The following WASF3 variants were observed in gnomAD, a reference collection of about 807,000 sequenced individuals.
WASF3 encodes WASP family member 3.
WASF3 carries 11 observed loss-of-function variants against 46.6 expected under a neutral mutation model. The ratio of observed to expected loss-of-function variants is 0.24; its 90% CI spans 0.15 to 0.39. WASF3 has a LOEUF of 0.39. Among genes scored for constraint, WASF3 ranks in the 10% least tolerant of loss-of-function variants. WASF3 has a pLI of 1.00. For synonymous variants in WASF3, 242 were observed against 259.7 expected (o/e 0.93, Z 0.65); for missense variants, 576 against 669.8 (o/e 0.86, Z 1.55).
At chr13:26,658,685 A>G (rs1882536557) in intron 3 of WASF3, among the ~76,000 whole-genome samples, 1 of 152,236 alleles carries the variant, frequency 6.6e-6, no homozygotes, top group Non-Finnish European at 1.5e-5. Flanking sequence ...GTTGTTGAGC[A>G]CTGGCTGAGC....
chr13:26,556,511 T>A (rs1014354561), upstream of WASF3, among the ~76,000 whole-genome samples: 4 of 152,256 alleles, frequency 2.6e-5, no homozygotes, highest in Admixed American at 6.5e-5. Context: ...AGCAATTTTT[T>A]AAAATGATGG....
At chr13:26,673,771 T>C (rs1220224452) in intron 6 of WASF3, among the ~76,000 whole-genome samples, 3 of 152,246 alleles carry the variant, frequency 2.0e-5, no homozygotes, top group Non-Finnish European at 4.4e-5. Flanking sequence ...TATGAAGTTT[T>C]AAATATGTAG....
At chr13:26,543,844 G>A in the WASF3 span, among the ~76,000 whole-genome samples, 2 of 152,130 alleles carry the variant, frequency 1.3e-5, no homozygotes, top group South Asian at 4.1e-4. Flanking sequence ...ACTGCTTTTA[G>A]CAAGGCTTCA....
At chr13:26,618,182 T>C (rs1881193738) in intron 2 of WASF3, among the ~76,000 whole-genome samples, 2 of 152,190 alleles carry the variant, frequency 1.3e-5, no homozygotes, top group Admixed American at 1.3e-4. Context: ...GTGCCTCCTT[T>C]TTGTTAAAAA....
Position 26,688,313 on chromosome 13 carries a change from C to T in WASF3, c.*2468C>T, listed in dbSNP as rs1232133866. 1 of 152,180 alleles carries T rather than the reference C, an allele frequency of 6.6e-6. No individual in the cohort carries two copies. The highest frequency in any genetic ancestry group is 1.5e-5 in the Non-Finnish European group (1 of 68,032). The allele number at this position is 152,180 out of a possible 1,614,324, so 9.4% of individuals were successfully genotyped here. A position where few individuals can be genotyped will look rare whatever the true frequency, so the allele number is the denominator to read the frequency against. ...AATGGAGAAGAAACATCCAAAAGCA[C>T]ATTTCATTTCTCCAAACTTTGTGTT... is the stretch of plus-strand genomic sequence containing the variant. On this transcript the variant is annotated 3_prime_UTR_variant, in exon 10 of 10. Transcript: ENST00000335327.
At chr13:26,634,244 G>A (rs529398398) in intron 2 of WASF3, among the ~76,000 whole-genome samples, 145 of 152,218 alleles carry the variant, frequency 9.5e-4, no homozygotes, top group Middle Eastern at 3.4e-3. Flanking sequence ...TTATGTAATG[G>A]CCTTCTTTGT....
intron 3 of WASF3, among the ~76,000 whole-genome samples, chr13:26,644,457 T>C (rs1285838541): frequency 6.6e-6 from 1 of 152,216 alleles, no homozygotes; most frequent in African/African-American, 2.4e-5. Flanking sequence ...TAGTGGATAG[T>C]CAGTTCTGAG....
chr13:26,557,564 G>A (rs534607427), upstream of WASF3: 179 of 155,890 alleles, frequency 1.1e-3, no homozygotes, highest in South Asian at 9.5e-3. Flanking sequence ...TATTGGCCGA[G>A]GCACTCGCCA....
upstream of WASF3, among the ~76,000 whole-genome samples, chr13:26,552,815 A>T (rs946733287): frequency 1.3e-5 from 2 of 152,242 alleles, no homozygotes; most frequent in Non-Finnish European, 2.9e-5. Context: ...ACATGTTATT[A>T]AGTAAAAAGA....
intron 2 of WASF3, among the ~76,000 whole-genome samples, chr13:26,616,930 A>G (rs527952563): frequency 1.2e-4 from 19 of 152,328 alleles, no homozygotes; most frequent in Non-Finnish European, 1.8e-4. Context: ...TTCAGATTCA[A>G]TGATGAAAAT....
Position 26,682,858 on chromosome 13 carries a change from C to T in WASF3, c.1235C>T (p.Ser412Phe). ...PPPPGPPGPG[S>F]SLSSSPMHGP... ...CCGCCAGGCCCTCCTGGTCCCGGGT[C>T]TTCTCTTTCGTCCTCCCCAATGCAT... is the stretch of plus-strand genomic sequence containing the variant. Residue 412 changes from serine (S) to phenylalanine (F), a missense_variant, in exon 9 of 10, where the codon TCT (serine) becomes TTT (phenylalanine). Ser to Phe is a radical substitution (Grantham distance 155, BLOSUM62 -2). Coordinates refer to ENST00000335327, the MANE Select transcript of WASF3 (RefSeq NM_006646.6). The surrounding 1 kb of genome is among the most constrained non-coding windows in gnomAD (Gnocchi z 4.4). 6.2e-7 allele frequency: 1 copy of T among 1,611,702 alleles called. No homozygotes were observed. Among genetic ancestry groups the T allele is most frequent in the Non-Finnish European group, 8.5e-7 (1 of 1,179,944 alleles).
At chr13:26,569,854 A>G (rs2137151689) in intron 1 of WASF3, among the ~76,000 whole-genome samples, 1 of 152,376 alleles carries the variant, frequency 6.6e-6, no homozygotes, top group East Asian at 1.9e-4. Flanking sequence ...AATGTCAGCC[A>G]TGAAAAAGAG....
chr13:26,674,845 TAA>T lies in WASF3; in HGVS notation c.541-1701_541-1700del, dbSNP rs1280822175. Among the ~76,000 whole-genome samples the T allele has an allele frequency of 3.3e-5, 5 of 152,226 alleles. No individual in the cohort carries two copies. The East Asian group carries it at 5.8e-4, about 18-fold the overall frequency. ...ATAGAATTATATTGCCCGTAATCTT[TAA>T]AAGACTGAAGAACTAGTTTATGTTC... On this transcript the variant is annotated intron_variant, in intron 6 of 9. Coordinates refer to ENST00000335327, the MANE Select transcript of WASF3 (RefSeq NM_006646.6).
chr13:26,651,337 A>C (rs1882310982), intron 3 of WASF3, among the ~76,000 whole-genome samples: 1 of 152,062 alleles, frequency 6.6e-6, no homozygotes, highest in Non-Finnish European at 1.5e-5. Flanking sequence ...AAAAACAAAA[A>C]CCAAAAACCA....
chr13:26,545,078 C>T, the WASF3 span, among the ~76,000 whole-genome samples: 312 of 152,302 alleles, frequency 2.0e-3, no homozygotes, highest in Non-Finnish European at 3.6e-3. Flanking sequence ...CTCAGAGCAT[C>T]GTGTTGTTCT....
chr13:26,560,597 T>C (rs1879265879), intron 1 of WASF3, among the ~76,000 whole-genome samples: 1 of 152,188 alleles, frequency 6.6e-6, no homozygotes, highest in South Asian at 2.1e-4. Flanking sequence ...TTTCAAGATG[T>C]TCATAGTCTA....
At chr13:26,618,939 G>T (rs948053169) in intron 2 of WASF3, 1 of 152,108 alleles carries the variant, frequency 6.6e-6, no homozygotes, top group Non-Finnish European at 1.5e-5. Flanking sequence ...TTTTTGGCTT[G>T]TGGTTTCTTC....
At chr13:26,578,326 C>G (rs920711768) in intron 1 of WASF3, among the ~76,000 whole-genome samples, 1 of 152,160 alleles carries the variant, frequency 6.6e-6, no homozygotes, top group Non-Finnish European at 1.5e-5. Context: ...AGTTTTTAAT[C>G]ACTGTGATAA....
intron 1 of WASF3, among the ~76,000 whole-genome samples, chr13:26,598,538 C>T (rs1056023655): frequency 1.3e-5 from 2 of 152,220 alleles, no homozygotes; most frequent in African/African-American, 4.8e-5. Flanking sequence ...AAGGCTTGCT[C>T]TTCCTTTTGT....
Sources: allele counts gnomAD v4.1 joint callset (sites outside exome capture counted in the v4.1 genomes callset), GRCh38; gene constraint gnomAD v4.1.1; non-coding constraint Gnocchi (gnomAD v3.1); transcripts MANE v1.5; gene names NCBI Gene and HGNC (gene_info 2026-07-23, HGNC 2026-07-21).